BDNF: variants seen among roughly 807,000 people sequenced by gnomAD.
The protein encoded by BDNF is brain derived neurotrophic factor.
In BDNF, 1 loss-of-function variant was observed where a neutral mutation model predicts 19.5. That is an observed-to-expected ratio of 0.05 (90% CI 0.02 to 0.24). The LOEUF is 0.24. Among genes scored for constraint, BDNF ranks in the 10% least tolerant of loss-of-function variants. BDNF has a pLI of 1.00. For synonymous variants in BDNF, 100 were observed against 121.6 expected (o/e 0.82, Z 1.17); for missense variants, 195 against 317.6 (o/e 0.61, Z 2.93).
At chr11:27,690,525 C>T (rs1299001698) in intron 1 of BDNF, among the ~76,000 whole-genome samples, 1 of 152,002 alleles carries the variant, frequency 6.6e-6, no homozygotes, top group Non-Finnish European at 1.5e-5. Flanking sequence ...TTAATGATGC[C>T]AAACTGTGCT....
chr11:27,712,682 AT>A (rs906477546), intron 1 of BDNF, among the ~76,000 whole-genome samples: 109 of 145,730 alleles, frequency 7.5e-4, no homozygotes, highest in Admixed American at 7.6e-4. Flanking sequence ...CGCCCAGCTA[AT>A]TTTTTTTTTT....
rs780128716 is a variant in BDNF, at chr11:27,657,972, C to T, written c.593G>A (p.Gly198Asp). Residue 198 changes from glycine (G) to aspartate (D), a missense_variant, in exon 2 of 2, where the codon GGC becomes GAC. By Grantham distance (94) the Gly-to-Asp change is moderately conservative (BLOSUM62 -1). This residue lies in a region of BDNF where 71 missense variants were observed against 162.6 expected (regional missense o/e 0.44). Coordinates refer to ENST00000356660, the MANE Select transcript of BDNF (RefSeq NM_001709.5). This position sits in a 1 kb window ranked among gnomAD's most constrained non-coding sequence, Gnocchi z 5.0. ...GGAGTTCCAATGCCTTTTGTCTATG[C>T]CCCTGCAGCCTTCTTTTGTGTAACC... is the stretch of plus-strand genomic sequence containing the variant. Reference protein sequence around the residue: ...PMGYTKEGCRGIDKRHWNSQC... With the variant: ...PMGYTKEGCRDIDKRHWNSQC... 6.2e-7 allele frequency: 1 copy of T among 1,614,138 alleles called. No homozygotes were observed. The highest frequency in any genetic ancestry group is 8.5e-7 in the Non-Finnish European group (1 of 1,180,022).
rs1349449985 is a variant in BDNF at position 27,656,727 on chromosome 11, A to G, written c.*1094T>C. 1.0e-6 allele frequency: 1 copy of G among 985,026 alleles called. No individual in the cohort carries two copies. The highest frequency in any genetic ancestry group is 1.8e-5 in the African/African-American group (1 of 57,124). 61.0% of individuals were successfully genotyped at this position (985,026 alleles called of 1,614,324 possible). On this transcript the variant is annotated 3_prime_UTR_variant, in exon 2 of 2. Transcript: ENST00000356660. ...TTAAGCCTCACCATGAGTTTTTTTT[A>G]AGCTTAGCCATGATTTACCCAAATG... is the stretch of plus-strand genomic sequence containing the variant.
intron 1 of BDNF, among the ~76,000 whole-genome samples, chr11:27,680,760 G>C (rs1163720418): frequency 6.6e-6 from 1 of 152,088 alleles, no homozygotes; most frequent in East Asian, 1.9e-4. Context: ...AGCTTCTCTG[G>C]GATAAGGACT....
chr11:27,692,993 G>A (rs1442875456), intron 1 of BDNF, among the ~76,000 whole-genome samples: 1 of 152,112 alleles, frequency 6.6e-6, no homozygotes, highest in African/African-American at 2.4e-5. Flanking sequence ...TGCCATTCCA[G>A]CCTAAGTTTT....
intron 1 of BDNF, among the ~76,000 whole-genome samples, chr11:27,662,219 T>C (rs1853571410): frequency 6.6e-6 from 1 of 152,204 alleles, no homozygotes; most frequent in Non-Finnish European, 1.5e-5. Flanking sequence ...CGAGCTGGCC[T>C]ACTCACTTGT....
chr11:27,704,868 C>A (rs1354069528), upstream of BDNF, among the ~76,000 whole-genome samples: 1 of 152,146 alleles, frequency 6.6e-6, no homozygotes, highest in Non-Finnish European at 1.5e-5. Context: ...CAATACCATA[C>A]CAAAATGTGT....
chr11:27,702,450 C>G (rs1859948108), upstream of BDNF, among the ~76,000 whole-genome samples: 1 of 152,198 alleles, frequency 6.6e-6, no homozygotes, highest in Non-Finnish European at 1.5e-5. Flanking sequence ...ACCAAGCCCA[C>G]ACCCAAATTC....
chr11:27,668,124 C>T (rs565188671), intron 1 of BDNF, among the ~76,000 whole-genome samples: 1 of 152,186 alleles, frequency 6.6e-6, no homozygotes, highest in Non-Finnish European at 1.5e-5. Flanking sequence ...TCACTCAGAA[C>T]CACTCAACTA....
chr11:27,721,536 GCCC>G (rs1284050795), exon 1 of BDNF: 2 of 1,026,904 alleles, frequency 1.9e-6, no homozygotes, highest in Non-Finnish European at 3.1e-6. Context: ...TCAGTGGATC[GCCC>G]ACCACTTGGT....
chr11:27,663,847 G>A (rs1333595859), intron 1 of BDNF, among the ~76,000 whole-genome samples: 1 of 152,164 alleles, frequency 6.6e-6, no homozygotes, highest in African/African-American at 2.4e-5. Context: ...ATACTACTTT[G>A]TAGGTCTAGA....
chr11:27,657,275 T>C lies in BDNF; in HGVS notation c.*546A>G. On this transcript the variant is annotated 3_prime_UTR_variant, in exon 2 of 2. Coordinates refer to ENST00000356660, the MANE Select transcript of BDNF (RefSeq NM_001709.5). This position sits in a 1 kb window ranked among gnomAD's most constrained non-coding sequence, Gnocchi z 5.0. Reference sequence around the variant, plus strand: ...AAAAAAAACACAAAACAAACAAAAATATACCCCCCATCCCCCATCCCCTAA... The same window carrying C: ...AAAAAAAACACAAAACAAACAAAAACATACCCCCCATCCCCCATCCCCTAA... The C allele has an allele frequency of 1.0e-6, 1 of 984,656 alleles. No individual in the cohort carries two copies. The highest frequency in any genetic ancestry group is 1.2e-6 in the Non-Finnish European group (1 of 830,140). 61.0% of individuals were successfully genotyped at this position (984,656 alleles called of 1,614,324 possible).
At chr11:27,712,322 A>T (rs1202806695) in intron 1 of BDNF, among the ~76,000 whole-genome samples, 1 of 152,242 alleles carries the variant, frequency 6.6e-6, no homozygotes, top group Non-Finnish European at 1.5e-5. Flanking sequence ...TCAGTTTTAT[A>T]GATATTTCAA....
At chr11:27,709,168 A>G (rs1240784131) in intron 1 of BDNF, among the ~76,000 whole-genome samples, 1 of 152,144 alleles carries the variant, frequency 6.6e-6, no homozygotes, top group Non-Finnish European at 1.5e-5. Context: ...TAGGGAAAAT[A>G]TATTAGTAGC....
intron 1 of BDNF, among the ~76,000 whole-genome samples, chr11:27,713,630 C>A (rs1860419645): frequency 6.6e-6 from 1 of 152,148 alleles, no homozygotes; most frequent in Admixed American, 6.5e-5. Context: ...AAGGAAATTT[C>A]TAGATAGCAT....
intron 1 of BDNF, among the ~76,000 whole-genome samples, chr11:27,678,031 A>G (rs1856405940): frequency 6.6e-6 from 1 of 152,180 alleles, no homozygotes; most frequent in South Asian, 2.1e-4. Flanking sequence ...CGGGGGCTGA[A>G]GTCCTGAATT....
chr11:27,719,124 T>C (rs1327153790), intron 1 of BDNF, among the ~76,000 whole-genome samples: 2 of 152,194 alleles, frequency 1.3e-5, no homozygotes, highest in Non-Finnish European at 2.9e-5. Flanking sequence ...GGCAGTTCGC[T>C]GTCCCCCGGG....
Position 27,658,477 on chromosome 11 carries a change from C to G in BDNF, c.88G>C (p.Gly30Arg). The part of the protein sequence containing the change: ...PMKEANIRGQ[G>R]GLAYPGVRTH... ...CGCACACCTGGGTAGGCCAAGCCAC[C>G]TTGTCCTCGGATGTTTGCTTCTTTC... Residue 30 changes from glycine to arginine, a missense_variant, in exon 2 of 2, where the codon GGT becomes CGT. Physicochemically the swap from Gly to Arg is moderately radical, Grantham distance 125. Coordinates refer to ENST00000356660, the MANE Select transcript of BDNF (RefSeq NM_001709.5). The surrounding 1 kb of genome is among the most constrained non-coding windows in gnomAD (Gnocchi z 5.7). 6.2e-7 allele frequency: 1 copy of G among 1,614,178 alleles called. No homozygotes were observed. The highest frequency in any genetic ancestry group is 1.1e-5 in the South Asian group (1 of 91,076).
intron 1 of BDNF, chr11:27,659,363 T>TAA: frequency 1.0e-6 from 1 of 1,000,394 alleles, no homozygotes; most frequent in Non-Finnish European, 1.2e-6. Context: ...TGCTTATTTC[T>TAA]AAACAGAAAT....
Sources: allele counts gnomAD v4.1 joint callset (sites outside exome capture counted in the v4.1 genomes callset), GRCh38; gene constraint gnomAD v4.1.1; regional missense constraint gnomAD v4.1.1; non-coding constraint Gnocchi (gnomAD v3.1); transcripts MANE v1.5; gene names NCBI Gene and HGNC (gene_info 2026-07-23, HGNC 2026-07-21).